Variants in MMEL1 observed in about 807,000 individuals in gnomAD.
MMEL1 encodes membrane metallo-endopeptidase-like 1.
A neutral mutation model predicts 117.1 loss-of-function variants in MMEL1; 98 were observed. The ratio of observed to expected loss-of-function variants is 0.84; its 90% CI spans 0.71 to 0.99. The LOEUF (loss-of-function observed/expected upper bound fraction) is 0.99, where lower values mean the gene tolerates loss of function less well. Ranked by LOEUF, MMEL1 falls within the 50% of genes least tolerant of loss-of-function variation. The pLI is 0.00. For missense variants in MMEL1, 1,014 were observed against 1,049.1 expected (o/e 0.97, Z 0.46); for synonymous variants, 390 against 415.1 (o/e 0.94, Z 0.74).
intron 22 of MMEL1, 128 bp downstream of exon 22, chr1:2,591,804 G>A: frequency 9.1e-7 from 1 of 1,101,798 alleles, no homozygotes; most frequent in Non-Finnish European, 1.4e-6. Context: ...CCCGCCCCCT[G>A]CCCCTCATGC....
rs1266391070 is a variant in MMEL1, at chr1:2,591,588, T to G, written c.2209A>C (p.Lys737Gln). The change falls in exon 23 of 24, where the codon AAG becomes CAG. Residue 737 changes from lysine (K) to glutamine (Q), a missense_variant. Physicochemically the swap from Lys to Gln is moderately conservative, Grantham distance 53 (BLOSUM62 1). Transcript: ENST00000378412. The stretch of plus-strand genomic sequence containing the variant: ...TTCAGGGGACTGTGGACGTCTGTCT[T>G]GATGGATTGGATGGCGAACTCGGGC... ...YRPEFAIQSIKTDVHSPLKYR... is the reference protein window; with the variant it reads ...YRPEFAIQSIQTDVHSPLKYR... 2 of 1,613,010 alleles carry G rather than the reference T, an allele frequency of 1.2e-6. No homozygotes were observed. The highest frequency in any genetic ancestry group is 1.3e-5 in the African/African-American group (1 of 74,446).
Position 2,605,618 on chromosome 1 carries a change from G to C in MMEL1, c.756C>G (p.Asp252Glu). The change falls in exon 9 of 24, where the codon GAC becomes GAG. Residue 252 changes from aspartate to glutamate, a missense_variant. By Grantham distance (45) the Asp-to-Glu change is conservative. Coordinates refer to ENST00000378412, the MANE Select transcript of MMEL1 (RefSeq NM_033467.4). ...GGGAGGGCATGCCCAAGGTGGGCTG[G>C]TCTATCTGGAAATACAGAAGGTGTG... ...QNSSRHIIYI[D>E]QPTLGMPSRE... The C allele has an allele frequency of 6.2e-7, 1 of 1,612,570 alleles. No individual in the cohort carries two copies. Among genetic ancestry groups the C allele is most frequent in the Non-Finnish European group, 8.5e-7 (1 of 1,179,140 alleles).
At position 2,598,712 on chromosome 1, in the gene MMEL1, C is replaced by A; in HGVS notation, c.1120G>T (p.Val374Phe). Residue 374 changes from valine to phenylalanine, a missense_variant, in exon 12 of 24, where the codon GTC becomes TTC. Val to Phe is a conservative substitution (Grantham distance 50). Coordinates refer to ENST00000378412, the MANE Select transcript of MMEL1 (RefSeq NM_033467.4). Reference protein sequence around the residue: ...IKLLPDEEVVVYGIPYLQNLE... With the variant: ...IKLLPDEEVVFYGIPYLQNLE... ...TTCTGCAGGTAGGGGATGCCATAGA[C>A]CACCACTTCCTCATCTGGCAGCAGC... 6.2e-7 allele frequency: 1 copy of A among 1,614,134 alleles called. No individual in the cohort carries two copies. Among genetic ancestry groups the A allele is most frequent in the Non-Finnish European group, 8.5e-7 (1 of 1,179,998 alleles).
chr1:2,629,792 T>G, intron 1 of MMEL1: 1 of 315,290 alleles, frequency 3.2e-6, no homozygotes. Flanking sequence ...GCTCAGCTCC[T>G]GTGCTGTCAA....
chr1:2,630,614 TGA>T (rs1349553679), intron 1 of MMEL1, among the ~76,000 whole-genome samples: 1 of 151,104 alleles, frequency 6.6e-6, no homozygotes, highest in East Asian at 2.0e-4. Context: ...TGCATGTGTG[TGA>T]CTGCACGTGT....
chr1:2,594,242 G>A (rs1318474371), intron 18 of MMEL1, 143 bp downstream of exon 18: 17 of 972,134 alleles, frequency 1.7e-5, no homozygotes, highest in Non-Finnish European at 2.5e-5. Flanking sequence ...TTCCCCACGG[G>A]GGCAGCAAGG....
At chr1:2,632,415 A>G (rs953251843) in intron 1 of MMEL1, among the ~76,000 whole-genome samples, 1 of 152,244 alleles carries the variant, frequency 6.6e-6, no homozygotes. Context: ...TCATTTGGAC[A>G]AGTCTGAGCT....
intron 6 of MMEL1, 75 bp from the exon 7 acceptor site, chr1:2,607,144 C>A: frequency 7.3e-7 from 1 of 1,369,424 alleles, no homozygotes; most frequent in Non-Finnish European, 1.0e-6. Context: ...TGTGGGGGCG[C>A]CGTTGGCCGG....
chr1:2,625,937 G>GGAA (rs112944993), intron 2 of MMEL1, among the ~76,000 whole-genome samples: 82,002 of 151,674 alleles, frequency 0.54, 23,836 homozygotes, highest in Non-Finnish European at 0.66. Context: ...AGTGGACAGA[G>GGAA]GAAGAGAAGA....
At chr1:2,596,261 G>A (rs1438416836) in intron 14 of MMEL1, among the ~76,000 whole-genome samples, 154 bp from the exon 15 acceptor site, 1 of 152,118 alleles carries the variant, frequency 6.6e-6, no homozygotes, top group Non-Finnish European at 1.5e-5. Flanking sequence ...GGGCCGGTGG[G>A]GGGATGAGAT....
intron 2 of MMEL1, among the ~76,000 whole-genome samples, chr1:2,623,897 T>C (rs952542864): frequency 2.6e-5 from 4 of 152,200 alleles, no homozygotes. Flanking sequence ...CCCTGTTCTG[T>C]AGGAGGGTCA....
At position 2,592,725 on chromosome 1, in the gene MMEL1, G is replaced by A. The variant is rs115709124; in HGVS notation, c.2002-5C>T. On this transcript the variant is annotated splice_polypyrimidine_tract_variant and splice_region_variant and intron_variant, in intron 20 of 23. Coordinates refer to ENST00000378412, the MANE Select transcript of MMEL1 (RefSeq NM_033467.4). ...AAGGGTGTTGAATCCGTTCACCTGC[G>A]CACAGGAGACAGGATTGGGGCAGCC... 1.0e-3 allele frequency: 1,617 copies of A among 1,611,828 alleles called. 11 individuals carry two copies. The African/African-American group carries it at 0.019, about 19-fold the overall frequency.
chr1:2,621,562 A>C (rs544230501), intron 2 of MMEL1, among the ~76,000 whole-genome samples: 1 of 144,582 alleles, frequency 6.9e-6, no homozygotes, highest in African/African-American at 2.6e-5. Context: ...TCTGGACTGA[A>C]CCAATGCACA....
intron 2 of MMEL1, among the ~76,000 whole-genome samples, chr1:2,629,086 C>G (rs906232934): frequency 3.3e-5 from 5 of 151,914 alleles, no homozygotes; most frequent in Admixed American, 3.3e-4. Flanking sequence ...AAGCAGCGCG[C>G]GGGAGTCGGG....
chr1:2,625,925 C>A lies in MMEL1; in HGVS notation c.154+3406G>T, dbSNP rs911205005. On this transcript the variant is annotated intron_variant, in intron 2 of 23. Transcript: ENST00000378412. The stretch of plus-strand genomic sequence containing the variant: ...TAGCCTCATGGGGAGTTCCCTATGA[C>A]CAGTGGACAGAGGAAGAGAAGACTA... Among the ~76,000 whole-genome samples the A allele has an allele frequency of 2.5e-5, 3 of 121,956 alleles. No individual in the cohort carries two copies. In the East Asian group the frequency reaches 6.9e-4, roughly 28 times the overall value. The allele number at this position is 121,956 out of a possible 152,430, so 80.0% of individuals were successfully genotyped here.
At chr1:2,629,724 C>T (rs1638455799) in intron 1 of MMEL1, 11 of 493,762 alleles carry the variant, frequency 2.2e-5, no homozygotes, top group Non-Finnish European at 3.5e-6. Context: ...TCTCTGAGTG[C>T]ATGGAGGTTC....
chr1:2,623,507 G>A (rs1645322496), intron 2 of MMEL1, among the ~76,000 whole-genome samples: 1 of 152,184 alleles, frequency 6.6e-6, no homozygotes, highest in Admixed American at 6.5e-5. Context: ...AGGAAAGGCC[G>A]GATATGTAAA....
At position 2,604,237 on chromosome 1, in the gene MMEL1, C is replaced by A. The variant is rs750914891; in HGVS notation, c.861G>T (p.Leu287Phe). The change falls in exon 10 of 24, where the codon TTG becomes TTT. Residue 287 changes from leucine (L) to phenylalanine (F), a missense_variant. Leu to Phe is a conservative substitution (Grantham distance 22). Coordinates refer to ENST00000378412, the MANE Select transcript of MMEL1 (RefSeq NM_033467.4). ...TGGGCAGGTTTGCATCCTCCCGCAG[C>A]AACGTGGCCACTGACACCATGAACT... The part of the protein sequence containing the change: ...YLQFMVSVAT[L>F]LREDANLPRD... The A allele has an allele frequency of 8.1e-6, 13 of 1,612,912 alleles. No individual in the cohort carries two copies. The South Asian group carries it at 1.4e-4, about 18-fold the overall frequency.
In MMEL1 at chr1:2,598,234, G is replaced by C. The variant is rs1644877373; in HGVS notation, c.1245C>G (p.Phe415Leu). The C allele has an allele frequency of 3.1e-6, 5 of 1,614,090 alleles. No homozygotes were observed. The highest frequency in any genetic ancestry group is 2.5e-6 in the Non-Finnish European group (3 of 1,179,990). The stretch of plus-strand genomic sequence containing the variant: ...TGCGGTAGTTCACTCGTGTGTCCTT[G>C]AATCTCTGGCTTAGGCTACCAATGC... Reference protein sequence around the residue: ...LDRIGSLSQRFKDTRVNYRKA... With the variant: ...LDRIGSLSQRLKDTRVNYRKA... The change falls in exon 13 of 24, where the codon TTC becomes TTG. Residue 415 changes from phenylalanine to leucine, a missense_variant. Physicochemically the swap from Phe to Leu is conservative, Grantham distance 22 (BLOSUM62 0). Transcript: ENST00000378412.
Sources: gnomAD v4.1 joint callset for allele counts (sites outside exome capture counted in the v4.1 genomes callset) on GRCh38, gnomAD v4.1.1 for gene constraint, MANE v1.5 for transcripts, NCBI Gene and HGNC (gene_info 2026-07-23, HGNC 2026-07-21) for gene names.